LRSAM1: variants seen among roughly 807,000 people sequenced by gnomAD.
The protein encoded by LRSAM1 is leucine rich repeat and sterile alpha motif containing 1, also known as E3 ubiquitin-protein ligase LRSAM1.
A neutral mutation model predicts 118.1 loss-of-function variants in LRSAM1; 96 were observed. The ratio of observed to expected loss-of-function variants is 0.81; its 90% CI spans 0.69 to 0.96. LRSAM1 has a LOEUF of 0.96. LRSAM1 is among the 40% of genes least tolerant of loss of function. LRSAM1 has a pLI of 0.00. For missense variants in LRSAM1, 804 were observed against 915.5 expected, an observed-to-expected ratio of 0.88 and a Z score of 1.57; for synonymous variants, 322 against 364.2, an observed-to-expected ratio of 0.88 and a Z score of 1.32.
rs59501881 is a variant in LRSAM1, at chr9:127,481,174, T to C, written c.1044-9T>C. ...TGACTGCCAGGACCTTTTATGATTT[T>C]CTCCACAGACAAAAGAAAAGCTCCG... On this transcript the variant is annotated splice_polypyrimidine_tract_variant and intron_variant, in intron 14 of 25. Coordinates refer to ENST00000300417, the MANE Select transcript of LRSAM1 (RefSeq NM_001005373.4). 1,482 of 1,613,804 alleles carry C rather than the reference T, an allele frequency of 9.2e-4. 8 individuals are homozygous for C. In the African/African-American group the frequency reaches 0.018, roughly 19 times the overall value.
At chr9:127,469,651 A>G (rs1419579840) in intron 10 of LRSAM1, among the ~76,000 whole-genome samples, 1 of 151,784 alleles carries the variant, frequency 6.6e-6, no homozygotes, top group Non-Finnish European at 1.5e-5. Flanking sequence ...TCCTGCTGAC[A>G]AGTCAACCAG....
chr9:127,454,438 C>G (rs2131988186), intron 2 of LRSAM1, 58 bp from the exon 3 acceptor site: 4 of 1,322,734 alleles, frequency 3.0e-6, no homozygotes, highest in Non-Finnish European at 4.3e-6. Flanking sequence ...ACTACCTGTC[C>G]CGGGTGTTGG....
At chr9:127,486,234 G>A (rs182752700) in intron 17 of LRSAM1, among the ~76,000 whole-genome samples, 5 of 152,344 alleles carry the variant, frequency 3.3e-5, no homozygotes, top group Admixed American at 6.5e-5. Flanking sequence ...ATTTGAGCCC[G>A]GCAGAGGGGA....
At chr9:127,498,430 G>A (rs928574506) in intron 24 of LRSAM1, among the ~76,000 whole-genome samples, 3 of 152,224 alleles carry the variant, frequency 2.0e-5, no homozygotes, top group Non-Finnish European at 4.4e-5. Context: ...CAAGCCTCAC[G>A]TGAGCAGGAG....
At chr9:127,489,266 A>G (rs1457408892) in intron 18 of LRSAM1, among the ~76,000 whole-genome samples, 178 bp from the exon 19 acceptor site, 2 of 152,190 alleles carry the variant, frequency 1.3e-5, no homozygotes, top group Non-Finnish European at 2.9e-5. Context: ...AGGCTGCCCG[A>G]AGTGAGCCCC....
At chr9:127,484,263 CTTTTT>C (rs35834839) in intron 16 of LRSAM1, among the ~76,000 whole-genome samples, 1 of 133,684 alleles carries the variant, frequency 7.5e-6, no homozygotes, top group Non-Finnish European at 1.6e-5. Flanking sequence ...ATTTCTTTCC[CTTTTT>C]TTTTTTTTTT....
rs1803417463 is a variant in LRSAM1 at position 127,496,170 on chromosome 9, T to A, written c.1830+75T>A. The A allele has an allele frequency of 8.8e-6, 14 of 1,586,444 alleles. No homozygotes were observed. In the South Asian group the frequency reaches 1.3e-4, roughly 15 times the overall value. On this transcript the variant is annotated intron_variant, in intron 23 of 25. Coordinates refer to ENST00000300417, the MANE Select transcript of LRSAM1 (RefSeq NM_001005373.4). ...CCTGACCAGCCGGGGGTTGATCTGCTCCTTGTGTAGTCCTCGTTGAGGCCT... is the reference window on the plus strand; with the variant it reads ...CCTGACCAGCCGGGGGTTGATCTGCACCTTGTGTAGTCCTCGTTGAGGCCT...
At chr9:127,475,959 C>T (rs1201020234) in intron 11 of LRSAM1, among the ~76,000 whole-genome samples, 26 of 152,070 alleles carry the variant, frequency 1.7e-4, no homozygotes, top group Non-Finnish European at 1.3e-4. Context: ...AGGCTGGTCA[C>T]GAACTCCTGA....
chr9:127,491,632 C>T (rs538067323), intron 20 of LRSAM1, among the ~76,000 whole-genome samples: 2 of 152,346 alleles, frequency 1.3e-5, no homozygotes, highest in Admixed American at 6.5e-5. Flanking sequence ...CTCTGTAGGC[C>T]GTGCTTTAGG....
At chr9:127,467,569 C>T (rs1282792756) in intron 9 of LRSAM1, among the ~76,000 whole-genome samples, 171 bp from the exon 10 acceptor site, 1 of 152,242 alleles carries the variant, frequency 6.6e-6, no homozygotes, top group Non-Finnish European at 1.5e-5. Context: ...CTACAGTCAT[C>T]CCAGGCACTG....
intron 15 of LRSAM1, among the ~76,000 whole-genome samples, chr9:127,482,627 G>T (rs1384193478): frequency 6.6e-6 from 1 of 152,186 alleles, no homozygotes; most frequent in African/African-American, 2.4e-5. Context: ...TAGGTGAAAA[G>T]ATTTTACTTT....
chr9:127,456,198 A>G (rs1052699634), intron 5 of LRSAM1, among the ~76,000 whole-genome samples: 1 of 148,658 alleles, frequency 6.7e-6, no homozygotes, highest in African/African-American at 2.5e-5. Context: ...CCCTGCCAAC[A>G]GAGTAGTGAG....
intron 19 of LRSAM1, among the ~76,000 whole-genome samples, chr9:127,490,378 G>T (rs1235712640): frequency 6.6e-6 from 1 of 152,086 alleles, no homozygotes; most frequent in East Asian, 1.9e-4. Flanking sequence ...GGTGTCATAG[G>T]GACTTAGGGA....
intron 16 of LRSAM1, 24 bp downstream of exon 16, chr9:127,483,044 G>A (rs376436763): frequency 1.2e-6 from 2 of 1,605,828 alleles, no homozygotes; most frequent in Admixed American, 1.7e-5. Context: ...TGGGGAGCTT[G>A]TGAGCACGCT....
At chr9:127,458,506 G>T (rs886846651) in intron 6 of LRSAM1, among the ~76,000 whole-genome samples, 1 of 152,228 alleles carries the variant, frequency 6.6e-6, no homozygotes, top group African/African-American at 2.4e-5. Context: ...CTTGAACCCA[G>T]GAGGTGGAGG....
Position 127,501,250 on chromosome 9 carries a change from A to G in LRSAM1, c.2046+107A>G, listed in dbSNP as rs950475993. The stretch of plus-strand genomic sequence containing the variant: ...ACGTGTTTTCTCCAGTTCTCTAAGT[A>G]GACTGTGCTCATCTAGAAAGAAGGC... On this transcript the variant is annotated intron_variant, in intron 25 of 25. Coordinates refer to ENST00000300417, the MANE Select transcript of LRSAM1 (RefSeq NM_001005373.4). 9.0e-5 allele frequency: 126 copies of G among 1,396,736 alleles called. 1 individual carries two copies. In the South Asian group the frequency reaches 1.6e-3, roughly 18 times the overall value. 86.5% of individuals were successfully genotyped at this position (1,396,736 alleles called of 1,614,324 possible).
At chr9:127,455,668 T>G in intron 5 of LRSAM1, 48 bp downstream of exon 5, 1 of 1,585,102 alleles carries the variant, frequency 6.3e-7, no homozygotes. Context: ...CATGTCTGCT[T>G]GTTTGAACCC....
chr9:127,493,914 G>A (rs1564280899), intron 21 of LRSAM1, among the ~76,000 whole-genome samples: 1 of 152,268 alleles, frequency 6.6e-6, no homozygotes, highest in Admixed American at 6.5e-5. Flanking sequence ...GCCGGGTCCT[G>A]TGCAGGTTTA....
In LRSAM1 at chr9:127,459,003, G is replaced by A. The variant is rs765537196; in HGVS notation, c.253G>A (p.Val85Ile). Residue 85 changes from valine to isoleucine, a missense_variant and splice_region_variant, in exon 7 of 26, where the codon GTT becomes ATT. Coordinates refer to ENST00000300417, the MANE Select transcript of LRSAM1 (RefSeq NM_001005373.4). ...CSLLSLATIKVLDLHDNQLTA... is the reference protein window; with the variant it reads ...CSLLSLATIKILDLHDNQLTA... ...ACTCACAGGGGTCTTTCTTCTGCAGGTTCTAGATCTCCACGATAATCAGCT... is the reference window on the plus strand; with the variant it reads ...ACTCACAGGGGTCTTTCTTCTGCAGATTCTAGATCTCCACGATAATCAGCT... 1.2e-5 allele frequency: 20 copies of A among 1,613,546 alleles called. No homozygotes were observed. Among genetic ancestry groups the A allele is most frequent in the Non-Finnish European group, 1.4e-5 (16 of 1,179,992 alleles).
Sources: gnomAD v4.1 joint callset for allele counts (sites outside exome capture counted in the v4.1 genomes callset) on GRCh38, gnomAD v4.1.1 for gene constraint, MANE v1.5 for transcripts, NCBI Gene and HGNC (gene_info 2026-07-23, HGNC 2026-07-21) for gene names.